The following CD244 variants were observed in gnomAD, a reference collection of about 807,000 sequenced individuals.
CD244 encodes natural killer cell receptor 2B4.
Under a neutral mutation model 45.5 loss-of-function variants are expected in CD244, and 20 were observed. The ratio of observed to expected loss-of-function variants is 0.44; its 90% CI spans 0.31 to 0.64. The LOEUF is 0.64. Ranked by LOEUF, CD244 falls within the 30% of genes least tolerant of loss-of-function variation. The probability of loss-of-function intolerance (pLI) is 0.08; values close to 1 mark genes in which losing one functional copy is unlikely to be tolerated. For synonymous variants in CD244, 185 were observed against 160.5 expected (o/e 1.15, Z -1.15); for missense variants, 407 against 426.9 (o/e 0.95, Z 0.41).
intron 1 of CD244, among the ~76,000 whole-genome samples, chr1:160,851,988 T>G (rs541137612): frequency 1.3e-5 from 2 of 152,234 alleles, no homozygotes; most frequent in East Asian, 3.9e-4. Flanking sequence ...AGCCAAAGAC[T>G]GGGAGAAAAT....
chr1:160,856,500 C>G (rs1203684279), intron 1 of CD244, among the ~76,000 whole-genome samples: 1 of 152,170 alleles, frequency 6.6e-6, no homozygotes, highest in Non-Finnish European at 1.5e-5. Flanking sequence ...TACCTACCTC[C>G]TAAACTCTTA....
At chr1:160,858,597 C>T (rs1670189403) in intron 1 of CD244, among the ~76,000 whole-genome samples, 1 of 152,116 alleles carries the variant, frequency 6.6e-6, no homozygotes, top group Non-Finnish European at 1.5e-5. Context: ...TATGTCTAAC[C>T]CAAAAAACAT....
At position 160,838,478 on chromosome 1, in the gene CD244, G is replaced by C. The variant is rs769028299; in HGVS notation, c.807C>G (p.Val269=). 6.2e-7 allele frequency: 1 copy of C among 1,613,622 alleles called. No homozygotes were observed. The highest frequency in any genetic ancestry group is 8.5e-7 in the Non-Finnish European group (1 of 1,179,596). ...PKEFLTIYED[V]KDLKTRRNHE... ...GATTTCTCCTGGTTTTCAGATCCTT[G>C]ACATCTTCGTAAATTGTCAAAAATT... The change falls in exon 5 of 9, where the codon GTC becomes GTG. Residue 269 remains valine, a synonymous_variant. Transcript: ENST00000368034.
chr1:160,857,570 TC>T (rs1670155203), intron 1 of CD244, among the ~76,000 whole-genome samples: 1 of 152,150 alleles, frequency 6.6e-6, no homozygotes, highest in East Asian at 1.9e-4. Flanking sequence ...ACAAAACAAA[TC>T]TGTGATGTTA....
At chr1:160,834,928 C>G (rs1184838853) in intron 6 of CD244, among the ~76,000 whole-genome samples, 1 of 152,134 alleles carries the variant, frequency 6.6e-6, no homozygotes, top group Non-Finnish European at 1.5e-5. Context: ...TCATTCTCAC[C>G]CAACACCATA....
intron 1 of CD244, among the ~76,000 whole-genome samples, chr1:160,849,220 G>T (rs2101884271): frequency 6.6e-6 from 1 of 151,574 alleles, no homozygotes; most frequent in Non-Finnish European, 1.5e-5. Flanking sequence ...GGGAGCAGAG[G>T]AAAAACATGG....
rs549751024 is a variant in CD244, at chr1:160,857,330, C to T, written c.61+5287G>A. ...GAGATATACCCAACAGACATGCATGCACAAAAGGCTCATCACAGCATTATT... is the reference window on the plus strand; with the variant it reads ...GAGATATACCCAACAGACATGCATGTACAAAAGGCTCATCACAGCATTATT... On this transcript the variant is annotated intron_variant, in intron 1 of 8. Transcript: ENST00000368034. 1.3e-3 allele frequency among the ~76,000 whole-genome samples: 196 copies of T among 152,176 alleles called. 1 individual carries two copies. Among genetic ancestry groups the T allele is most frequent in the African/African-American group, 4.2e-3 (176 of 41,518 alleles).
chr1:160,843,046 G>C (rs1031117019), intron 1 of CD244, among the ~76,000 whole-genome samples: 26 of 152,272 alleles, frequency 1.7e-4, no homozygotes, highest in South Asian at 1.2e-3. Flanking sequence ...ATTAAGAAGA[G>C]AGCAATTGAG....
chr1:160,856,430 C>T (rs529538361), intron 1 of CD244, among the ~76,000 whole-genome samples: 12 of 152,304 alleles, frequency 7.9e-5, no homozygotes, highest in African/African-American at 2.9e-4. Flanking sequence ...CCCATCCAAA[C>T]CCCATGCAAC....
chr1:160,847,237 A>C (rs1035262258), intron 1 of CD244, among the ~76,000 whole-genome samples: 3 of 152,102 alleles, frequency 2.0e-5, no homozygotes, highest in African/African-American at 7.2e-5. Context: ...AAGGAGAAGT[A>C]AATCCACAAC....
intron 8 of CD244, among the ~76,000 whole-genome samples, chr1:160,832,263 G>T (rs1669152110): frequency 6.6e-6 from 1 of 151,966 alleles, no homozygotes; most frequent in Non-Finnish European, 1.5e-5. Context: ...CTAGCTCGGG[G>T]ACGGCCCTAA....
intron 1 of CD244, among the ~76,000 whole-genome samples, chr1:160,852,251 A>C (rs1669944488): frequency 6.6e-6 from 1 of 152,184 alleles, no homozygotes; most frequent in East Asian, 1.9e-4. Context: ...AAAATAGCTA[A>C]CATTTAAAGG....
chr1:160,861,169 C>G (rs1009230640), intron 1 of CD244, among the ~76,000 whole-genome samples: 1 of 151,474 alleles, frequency 6.6e-6, no homozygotes, highest in African/African-American at 2.5e-5. Context: ...CAGGTTCCAA[C>G]CTAGCTCTCC....
intron 1 of CD244, among the ~76,000 whole-genome samples, chr1:160,857,283 A>G (rs1670144069): frequency 6.6e-6 from 1 of 152,234 alleles, no homozygotes; most frequent in Non-Finnish European, 1.5e-5. Flanking sequence ...TTACGTACAC[A>G]TACTCCATGG....
intron 5 of CD244, among the ~76,000 whole-genome samples, chr1:160,837,292 T>G (rs1470627185): frequency 1.3e-5 from 2 of 152,206 alleles, no homozygotes; most frequent in African/African-American, 4.8e-5. Flanking sequence ...TCAAGTCATC[T>G]TCTTTTTGGA....
intron 1 of CD244, among the ~76,000 whole-genome samples, chr1:160,860,453 A>T (rs764782212): frequency 3.3e-4 from 50 of 152,212 alleles, no homozygotes; most frequent in Non-Finnish European, 3.7e-4. Flanking sequence ...AGCAAAAAAA[A>T]AAAATAAAGC....
intron 1 of CD244, among the ~76,000 whole-genome samples, chr1:160,855,416 G>A (rs1362476887): frequency 6.6e-6 from 1 of 152,140 alleles, no homozygotes; most frequent in East Asian, 1.9e-4. Context: ...AGTTTCCATG[G>A]ACGGCCTGGA....
chr1:160,834,695 T>A (rs1669264617), intron 6 of CD244, among the ~76,000 whole-genome samples: 1 of 152,194 alleles, frequency 6.6e-6, no homozygotes, highest in Non-Finnish European at 1.5e-5. Flanking sequence ...AGAATGATCA[T>A]AATTTGCCCC....
chr1:160,862,777 G>T lies in CD244; in HGVS notation c.-100C>A. 9.7e-7 allele frequency: 1 copy of T among 1,032,340 alleles called. No individual in the cohort carries two copies. Among genetic ancestry groups the T allele is most frequent in the Non-Finnish European group, 1.5e-6 (1 of 686,644 alleles). The allele number at this position is 1,032,340 out of a possible 1,614,324, so 63.9% of individuals were successfully genotyped here. A position where few individuals can be genotyped will look rare whatever the true frequency, so the allele number is the denominator to read the frequency against. On this transcript the variant is annotated 5_prime_UTR_variant, in exon 1 of 9. Coordinates refer to ENST00000368034, the MANE Select transcript of CD244 (RefSeq NM_016382.4). ...CCAGTCAGCAAGAGGACGATGGGGA[G>T]CAGAACTGCCTTGCAACCTGTCCAG...
Sources: allele counts gnomAD v4.1 joint callset (sites outside exome capture counted in the v4.1 genomes callset), GRCh38; gene constraint gnomAD v4.1.1; transcripts MANE v1.5; gene names NCBI Gene and HGNC (gene_info 2026-07-23, HGNC 2026-07-21).